ATXN8OS: variants seen among roughly 807,000 people sequenced by gnomAD.
ATXN8OS encodes ATXN8 opposite strand lncRNA, also known as ATXN8 opposite strand (non-protein coding).
At chr13:70,161,494 A>AC (rs1160056211) in intron 4 of ATXN8OS, among the ~76,000 whole-genome samples, 2 of 152,042 alleles carry the variant, frequency 1.3e-5, no homozygotes, top group Admixed American at 6.6e-5. Flanking sequence ...TTAGCTCTAC[A>AC]CCTTCTTTCT....
At chr13:70,107,999 A>T (rs1888119008) in exon 1 of ATXN8OS, 1 of 444,934 alleles carries the variant, frequency 2.2e-6, no homozygotes, top group Non-Finnish European at 3.9e-6. Context: ...TGCCCGCGCG[A>T]GAGCCCCGTG....
chr13:70,157,136 A>T (rs1196381152), intron 4 of ATXN8OS, among the ~76,000 whole-genome samples: 3 of 152,010 alleles, frequency 2.0e-5, no homozygotes, highest in African/African-American at 7.3e-5. Flanking sequence ...TTTTTTGATT[A>T]AAGGCTCGTA....
In ATXN8OS at chr13:70,134,928, C is replaced by T. The variant is rs1165501490; in HGVS notation, n.499+5044C>T. Among the ~76,000 whole-genome samples, 3 of 152,176 alleles carry T rather than the reference C, an allele frequency of 2.0e-5. No individual in the cohort carries two copies. The East Asian group carries it at 5.8e-4, about 29-fold the overall frequency. ...TGAAACGGGAAAAGATATCCCCACA[C>T]GAGGTGATAAGCCCAGCACAGGCTG... is the stretch of plus-strand genomic sequence containing the variant. On this transcript the variant is annotated intron_variant and non_coding_transcript_variant, in intron 3 of 4. Transcript: ENST00000678624.
intron 2 of ATXN8OS, among the ~76,000 whole-genome samples, chr13:70,122,057 T>C (rs895047529): frequency 1.3e-5 from 2 of 152,036 alleles, no homozygotes; most frequent in African/African-American, 4.8e-5. Context: ...GTTCTAGATA[T>C]CCTGAAAGCA....
At chr13:70,164,058 A>ATTC (rs869110142) in intron 4 of ATXN8OS, among the ~76,000 whole-genome samples, 387 of 12,490 alleles carry the variant, frequency 0.031, 4 homozygotes, top group Middle Eastern at 0.19. Context: ...TTTTATTCTT[A>ATTC]TTATTATTAT....
chr13:70,121,514 T>A (rs1888360113), intron 2 of ATXN8OS, among the ~76,000 whole-genome samples: 1 of 152,024 alleles, frequency 6.6e-6, no homozygotes, highest in Non-Finnish European at 1.5e-5. Flanking sequence ...AAATGAATCA[T>A]CCGGAAATAT....
chr13:70,114,602 T>TATC (rs1300758636), intron 1 of ATXN8OS, among the ~76,000 whole-genome samples: 5 of 152,126 alleles, frequency 3.3e-5, no homozygotes, highest in Admixed American at 6.5e-5. Context: ...AGATTAAACA[T>TATC]AGAGTATTTT....
intron 2 of ATXN8OS, among the ~76,000 whole-genome samples, chr13:70,128,386 T>G (rs1261617704): frequency 2.0e-5 from 3 of 152,152 alleles, no homozygotes; most frequent in Non-Finnish European, 4.4e-5. Context: ...TCTTTTACAA[T>G]GTAATTCATT....
At chr13:70,163,573 C>T (rs1324303935) in intron 4 of ATXN8OS, among the ~76,000 whole-genome samples, 1 of 151,896 alleles carries the variant, frequency 6.6e-6, no homozygotes, top group Non-Finnish European at 1.5e-5. Context: ...TTCAAAGGGA[C>T]TTACAAAATG....
chr13:70,162,636 T>A (rs1360515349), intron 4 of ATXN8OS, among the ~76,000 whole-genome samples: 1 of 152,026 alleles, frequency 6.6e-6, no homozygotes, highest in Non-Finnish European at 1.5e-5. Context: ...CTAAATTTGA[T>A]TTGATATAAG....
chr13:70,151,357 T>C (rs1888864109), intron 4 of ATXN8OS, among the ~76,000 whole-genome samples: 1 of 152,140 alleles, frequency 6.6e-6, no homozygotes, highest in Non-Finnish European at 1.5e-5. Context: ...AGTTAGACTA[T>C]TTTAGGTATC....
chr13:70,113,257 T>C (rs1468451197), intron 1 of ATXN8OS, among the ~76,000 whole-genome samples: 1 of 152,034 alleles, frequency 6.6e-6, no homozygotes, highest in African/African-American at 2.4e-5. Flanking sequence ...ATCCCTTTTA[T>C]GAAAATATTT....
exon 5 of ATXN8OS, among the ~76,000 whole-genome samples, chr13:70,171,008 A>C (rs947043034): frequency 2.0e-5 from 3 of 152,156 alleles, no homozygotes; most frequent in Non-Finnish European, 2.9e-5. Flanking sequence ...AAAATGGTAC[A>C]CCTGTATAGG....
chr13:70,171,661 T>C (rs1243116991), exon 5 of ATXN8OS, among the ~76,000 whole-genome samples: 1 of 152,112 alleles, frequency 6.6e-6, no homozygotes, highest in African/African-American at 2.4e-5. Context: ...ACGATGACTG[T>C]ATATAAATAA....
exon 5 of ATXN8OS, among the ~76,000 whole-genome samples, chr13:70,171,481 A>T (rs2325255): frequency 0.98 from 148,541 of 152,166 alleles, 72,593 homozygotes; most frequent in Middle Eastern, 1. Flanking sequence ...CATTTTAATA[A>T]GACTCGTGGT....
At chr13:70,169,541 G>A (rs909584203) in intron 4 of ATXN8OS, among the ~76,000 whole-genome samples, 8 of 151,968 alleles carry the variant, frequency 5.3e-5, no homozygotes, top group African/African-American at 1.2e-4. Flanking sequence ...TGATCCACCC[G>A]CTCGGCCTCC....
chr13:70,145,209 T>C (rs911946494), intron 3 of ATXN8OS, among the ~76,000 whole-genome samples: 5 of 152,132 alleles, frequency 3.3e-5, no homozygotes, highest in Admixed American at 2.6e-4. Context: ...CATTGATCTA[T>C]ATTTCTGTTT....
At chr13:70,167,574 TG>T (rs1441655565) in intron 4 of ATXN8OS, among the ~76,000 whole-genome samples, 2 of 151,914 alleles carry the variant, frequency 1.3e-5, no homozygotes, top group African/African-American at 4.8e-5. Flanking sequence ...GAAGAGTTAA[TG>T]GGTGCAGCAC....
intron 1 of ATXN8OS, among the ~76,000 whole-genome samples, chr13:70,112,712 G>T (rs184758035): frequency 6.0e-4 from 91 of 152,026 alleles, no homozygotes; most frequent in African/African-American, 2.0e-3. Flanking sequence ...TATATAAATT[G>T]CTGAGTTAAT....
Sources: allele counts gnomAD v4.1 joint callset (sites outside exome capture counted in the v4.1 genomes callset), GRCh38; gene constraint gnomAD v4.1.1; transcripts MANE v1.5; gene names NCBI Gene and HGNC (gene_info 2026-07-23, HGNC 2026-07-21).